PRKCB: variants seen among roughly 807,000 people sequenced by gnomAD.
The protein encoded by PRKCB is protein kinase C beta, also known as protein kinase C beta type.
A neutral mutation model predicts 81.5 loss-of-function variants in PRKCB; 13 were observed. The observed-to-expected ratio is 0.16, with a 90% CI of 0.10 to 0.25. PRKCB has a LOEUF of 0.25. Among genes scored for constraint, PRKCB ranks in the 10% least tolerant of loss-of-function variants. PRKCB has a pLI of 1.00. For synonymous variants in PRKCB, 335 were observed against 321.4 expected (o/e 1.04, Z -0.45); for missense variants, 509 against 875.7 (o/e 0.58, Z 5.29).
rs1555481650 is a variant in PRKCB at position 23,882,004 on chromosome 16, T to TTCTTTCTTTCTTTCTTTCTTTC, written c.205+44618_205+44619insTCTCTTTCTTTCTTTCTTTCTT. ...TTTCTTTCTTTCTTTCTTTCTTTCT[T>TTCTTTCTTTCTTTCTTTCTTTC]TCTTTCTTTCTTTCTTTCTTCCTTC... On this transcript the variant is annotated intron_variant, in intron 2 of 16. Transcript: ENST00000643927. Among the ~76,000 whole-genome samples the TTCTTTCTTTCTTTCTTTCTTTC allele has an allele frequency of 4.0e-4, 29 of 72,020 alleles. 3 individuals are homozygous for TTCTTTCTTTCTTTCTTTCTTTC. Among genetic ancestry groups the TTCTTTCTTTCTTTCTTTCTTTC allele is most frequent in the East Asian group, 1.4e-3 (3 of 2,182 alleles). 47.2% of individuals were successfully genotyped at this position (72,020 alleles called of 152,430 possible). A position where few individuals can be genotyped will look rare whatever the true frequency, so the allele number is the denominator to read the frequency against.
At chr16:24,178,041 T>C (rs1002089602) in intron 12 of PRKCB, among the ~76,000 whole-genome samples, 1 of 152,238 alleles carries the variant, frequency 6.6e-6, no homozygotes, top group African/African-American at 2.4e-5. Context: ...ATTGATTTCA[T>C]AGTGGTAAGA....
chr16:24,061,900 C>T (rs1251962320), intron 5 of PRKCB, among the ~76,000 whole-genome samples: 1 of 116,104 alleles, frequency 8.6e-6, no homozygotes, highest in African/African-American at 3.3e-5. Context: ...CCCCCTGCAC[C>T]TTAAATAAAT....
In PRKCB at chr16:24,088,532, G is replaced by A. The variant is rs191213698; in HGVS notation, c.530-4259G>A. Among the ~76,000 whole-genome samples, 370 of 152,104 alleles carry A rather than the reference G, an allele frequency of 2.4e-3. 2 individuals are homozygous for A. Among genetic ancestry groups the A allele is most frequent in the Non-Finnish European group, 4.2e-3 (288 of 67,996 alleles). On this transcript the variant is annotated intron_variant, in intron 5 of 16. Transcript: ENST00000643927. ...ACTCGTGGCCAGGAGTTTGACACCA[G>A]CCTGGGTAACATAGTGAGACTCCAT...
At chr16:24,151,608 A>G (rs1458269051) in intron 9 of PRKCB, 1 of 355,104 alleles carries the variant, frequency 2.8e-6, no homozygotes. Flanking sequence ...AGGAGGAGAT[A>G]ACAGCCCAGT....
At chr16:23,946,728 A>C (rs1964207806) in intron 2 of PRKCB, among the ~76,000 whole-genome samples, 1 of 152,142 alleles carries the variant, frequency 6.6e-6, no homozygotes, top group African/African-American at 2.4e-5. Context: ...TCTAATTAAG[A>C]TGCAGGTTGT....
At chr16:23,914,586 C>G (rs1040534864) in intron 2 of PRKCB, among the ~76,000 whole-genome samples, 3 of 152,126 alleles carry the variant, frequency 2.0e-5, no homozygotes, top group Non-Finnish European at 4.4e-5. Context: ...ATTAATGTCT[C>G]TATGCCTCAT....
At chr16:23,991,133 G>C (rs878919282) in intron 3 of PRKCB, among the ~76,000 whole-genome samples, 2 of 152,176 alleles carry the variant, frequency 1.3e-5, no homozygotes, top group Admixed American at 6.5e-5. Flanking sequence ...AGCTCCTGCT[G>C]GTCTTCTGCA....
intron 5 of PRKCB, among the ~76,000 whole-genome samples, chr16:24,080,295 A>G (rs1966232476): frequency 6.6e-6 from 1 of 152,188 alleles, no homozygotes; most frequent in South Asian, 2.1e-4. Flanking sequence ...AATCACAGTA[A>G]TTCTATGGCA....
At chr16:23,883,648 T>C (rs1483522301) in intron 2 of PRKCB, among the ~76,000 whole-genome samples, 1 of 152,186 alleles carries the variant, frequency 6.6e-6, no homozygotes, top group Non-Finnish European at 1.5e-5. Context: ...TGTCTTTGTC[T>C]GCACGGGCAG....
chr16:24,029,024 C>G (rs1009861282), intron 3 of PRKCB, among the ~76,000 whole-genome samples: 8 of 152,116 alleles, frequency 5.3e-5, no homozygotes, highest in African/African-American at 1.9e-4. Flanking sequence ...CTCCTGACCT[C>G]AAGCGATCTG....
intron 3 of PRKCB, among the ~76,000 whole-genome samples, chr16:24,011,503 A>ATTGTT (rs1476590609): frequency 5.3e-5 from 8 of 151,796 alleles, no homozygotes; most frequent in Admixed American, 1.3e-4. Context: ...CATTGTTTTC[A>ATTGTT]TTGTTTTGTT....
chr16:23,837,529 C>T, intron 2 of PRKCB, 123 bp downstream of exon 2: 1 of 1,228,336 alleles, frequency 8.1e-7, no homozygotes, highest in South Asian at 1.4e-5. Flanking sequence ...ACCTCCCAGG[C>T]TAGGAATTCT....
intron 7 of PRKCB, among the ~76,000 whole-genome samples, chr16:24,104,260 C>T (rs1218135027): frequency 6.6e-6 from 1 of 152,196 alleles, no homozygotes; most frequent in Admixed American, 6.5e-5. Flanking sequence ...TTATTAACCA[C>T]ATAACTCTAC....
chr16:23,988,645 A>C (rs1964832869), intron 3 of PRKCB, 55 bp downstream of exon 3: 2 of 1,480,722 alleles, frequency 1.4e-6, no homozygotes, highest in South Asian at 2.3e-5. Context: ...CTGCCTTGTG[A>C]TTAAATGTGA....
At chr16:23,906,833 A>G (rs1255286423) in intron 2 of PRKCB, among the ~76,000 whole-genome samples, 5 of 152,200 alleles carry the variant, frequency 3.3e-5, no homozygotes, top group African/African-American at 1.2e-4. Context: ...GAGGGATTTT[A>G]TACTCATTTT....
intron 2 of PRKCB, among the ~76,000 whole-genome samples, chr16:23,861,173 CTT>C (rs773799217): frequency 4.9e-5 from 7 of 144,038 alleles, no homozygotes; most frequent in Admixed American, 6.9e-5. Context: ...TGCATTAGTT[CTT>C]TTTTTTTTTT....
At chr16:23,989,020 G>A (rs561585110) in intron 3 of PRKCB, among the ~76,000 whole-genome samples, 1 of 152,054 alleles carries the variant, frequency 6.6e-6, no homozygotes, top group Non-Finnish European at 1.5e-5. Flanking sequence ...GAGTGCAGTG[G>A]AGCAATCTCA....
chr16:23,980,288 C>T (rs796138853), intron 2 of PRKCB, among the ~76,000 whole-genome samples: 22 of 152,354 alleles, frequency 1.4e-4, no homozygotes, highest in African/African-American at 5.3e-4. Context: ...CGGGAAATTG[C>T]CTGGGGGAAC....
chr16:24,004,615 A>C (rs145638456), intron 3 of PRKCB, among the ~76,000 whole-genome samples: 2,535 of 152,218 alleles, frequency 0.017, 30 homozygotes, highest in Non-Finnish European at 0.024. Context: ...TGATTGCACC[A>C]CTGCACTCCA....
Sources: gnomAD v4.1 joint callset for allele counts (sites outside exome capture counted in the v4.1 genomes callset) on GRCh38, gnomAD v4.1.1 for gene constraint, MANE v1.5 for transcripts, NCBI Gene and HGNC (gene_info 2026-07-23, HGNC 2026-07-21) for gene names.